The following GPATCH8 variants were observed in gnomAD, a reference collection of about 807,000 sequenced individuals.
The protein encoded by GPATCH8 is G-patch domain containing 8, also known as G patch domain-containing protein 8.
A neutral mutation model predicts 118.3 loss-of-function variants in GPATCH8; 18 were observed. That is an observed-to-expected ratio of 0.15 (90% CI 0.11 to 0.23). GPATCH8 has a LOEUF of 0.23. GPATCH8 is among the 10% of genes least tolerant of loss of function. The pLI, the probability that GPATCH8 is intolerant of heterozygous loss-of-function variation, is 1.00. For missense variants in GPATCH8, 1,631 were observed against 1,873.8 expected (o/e 0.87, Z 2.39); for synonymous variants, 659 against 684.7 (o/e 0.96, Z 0.59).
intron 1 of GPATCH8, among the ~76,000 whole-genome samples, chr17:44,494,063 A>C (rs1969484838): frequency 6.6e-6 from 1 of 152,168 alleles, no homozygotes; most frequent in Non-Finnish European, 1.5e-5. Flanking sequence ...ATGTTCATTA[A>C]CAATAATCTC....
At chr17:44,434,848 A>G (rs2050442770) in intron 5 of GPATCH8, among the ~76,000 whole-genome samples, 1 of 152,230 alleles carries the variant, frequency 6.6e-6, no homozygotes, top group African/African-American at 2.4e-5. Flanking sequence ...AATTCATGTA[A>G]TCTTTCTAAC....
At chr17:44,424,269 T>G in intron 6 of GPATCH8, 80 bp downstream of exon 6, 1 of 958,994 alleles carries the variant, frequency 1.0e-6, no homozygotes, top group Non-Finnish European at 1.7e-6. Flanking sequence ...ACACCAAGTT[T>G]TGGGGGGTAT....
At chr17:44,458,373 C>A (rs962746655) in intron 3 of GPATCH8, among the ~76,000 whole-genome samples, 3 of 152,008 alleles carry the variant, frequency 2.0e-5, no homozygotes, top group Non-Finnish European at 4.4e-5. Flanking sequence ...GATGTAAGTA[C>A]CTATTTTCCC....
intron 3 of GPATCH8, among the ~76,000 whole-genome samples, chr17:44,455,218 G>A (rs1428119349): frequency 6.6e-6 from 1 of 152,096 alleles, no homozygotes; most frequent in African/African-American, 2.4e-5. Context: ...TATAAAATGA[G>A]TGGCCGGGCA....
At chr17:44,424,566 C>T in intron 5 of GPATCH8, 74 bp from the exon 6 acceptor site, 2 of 1,115,714 alleles carry the variant, frequency 1.8e-6, no homozygotes, top group Non-Finnish European at 2.7e-6. Context: ...ATAGAGAAAA[C>T]AGTCTATCTG....
Position 44,399,224 on chromosome 17 carries a change from T to G in GPATCH8, c.2853A>C (p.Arg951Ser), listed in dbSNP as rs1484749277. ...QSRSRSRSHT[R>S]ERSRSRGRSR... ...TGCGGCCCCGGGATCTTGAGCGCTC[T>G]CTGGTATGACTCCGAGATCGGCTTC... Residue 951 changes from arginine (R) to serine (S), a missense_variant, in exon 8 of 8, where the codon AGA becomes AGC. Physicochemically the swap from Arg to Ser is moderately radical, Grantham distance 110. Around this residue, in one of 8 missense-constraint regions of GPATCH8, gnomAD observed 922 missense variants for 879.7 expected, o/e 1.05. Transcript: ENST00000591680. The G allele has an allele frequency of 1.2e-6, 2 of 1,614,006 alleles. No homozygotes were observed. The highest frequency in any genetic ancestry group is 3.3e-5 in the Admixed American group (2 of 59,996).
At chr17:44,471,471 G>A (rs1432282743) in intron 2 of GPATCH8, among the ~76,000 whole-genome samples, 2 of 151,964 alleles carry the variant, frequency 1.3e-5, no homozygotes, top group East Asian at 1.9e-4. Context: ...AGACCTCCAC[G>A]GTTACCAGCT....
At chr17:44,407,645 C>T (rs1003842898) in intron 6 of GPATCH8, among the ~76,000 whole-genome samples, 3 of 147,994 alleles carry the variant, frequency 2.0e-5, no homozygotes, top group South Asian at 2.1e-4. Context: ...ACTGTTAGTG[C>T]CCATAATTAA....
At chr17:44,493,721 CTT>C (rs1277198504) in intron 1 of GPATCH8, among the ~76,000 whole-genome samples, 8 of 152,130 alleles carry the variant, frequency 5.3e-5, no homozygotes, top group Admixed American at 2.0e-4. Context: ...AATTCCGTCT[CTT>C]TTATTTAAAA....
At position 44,397,007 on chromosome 17, in the gene GPATCH8, T is replaced by A. The variant is rs1412398284; in HGVS notation, c.*561A>T. On this transcript the variant is annotated 3_prime_UTR_variant, in exon 8 of 8. Coordinates refer to ENST00000591680, the MANE Select transcript of GPATCH8 (RefSeq NM_001002909.4). ...GGATGGAATTGCAGCCTGAGTTATA[T>A]CAGGTTCCAGGTGAGACGCTTTCCA... The A allele has an allele frequency of 2.2e-6, 1 of 454,010 alleles. No homozygotes were observed. The highest frequency in any genetic ancestry group is 4.4e-6 in the Non-Finnish European group (1 of 226,786). The allele number at this position is 454,010 out of a possible 1,614,324, so 28.1% of individuals were successfully genotyped here.
chr17:44,436,132 C>A (rs1217285989), intron 4 of GPATCH8, among the ~76,000 whole-genome samples: 2 of 146,224 alleles, frequency 1.4e-5, no homozygotes, highest in Non-Finnish European at 3.0e-5. Flanking sequence ...CCCAATTCTA[C>A]AAAGGCAAAG....
At chr17:44,499,265 G>A (rs1190959701) in intron 1 of GPATCH8, among the ~76,000 whole-genome samples, 4 of 152,140 alleles carry the variant, frequency 2.6e-5, no homozygotes, top group African/African-American at 9.7e-5. Context: ...TCGGGAGTTT[G>A]AGACCAGCCT....
In GPATCH8 at chr17:44,405,992, C is replaced by T. The variant is rs1387164790; in HGVS notation, c.552G>A (p.Lys184=). 1.9e-6 allele frequency: 3 copies of T among 1,608,052 alleles called. No individual in the cohort carries two copies. Among genetic ancestry groups the T allele is most frequent in the Non-Finnish European group, 2.6e-6 (3 of 1,174,468 alleles). ...GGGCTTTTTCCTGTTTTTTCTCATC[C>T]TTGCGGGATCTTGAAGAGACATTTC... ...FARNVSSRSR[K]DEKKQEKALR... Residue 184 remains lysine, a synonymous_variant, in exon 7 of 8, where the codon AAG becomes AAA. Transcript: ENST00000591680.
Position 44,397,344 on chromosome 17 carries a change from G to C in GPATCH8, c.*224C>G, listed in dbSNP as rs887491268. 4.0e-5 allele frequency: 27 copies of C among 678,792 alleles called. No individual in the cohort carries two copies. The highest frequency in any genetic ancestry group is 6.2e-5 in the Non-Finnish European group (23 of 371,050). The allele number at this position is 678,792 out of a possible 1,614,324, so 42.0% of individuals were successfully genotyped here. A position where few individuals can be genotyped will look rare whatever the true frequency, so the allele number is the denominator to read the frequency against. ...TGTTCCCTAGCTTAGAAACACAGAA[G>C]AGGGAGGGACAAATTGAGAGGAGGA... is the stretch of plus-strand genomic sequence containing the variant. On this transcript the variant is annotated 3_prime_UTR_variant, in exon 8 of 8. Transcript: ENST00000591680.
At chr17:44,440,315 T>C (rs2050646802) in intron 3 of GPATCH8, among the ~76,000 whole-genome samples, 2 of 152,166 alleles carry the variant, frequency 1.3e-5, no homozygotes, top group Admixed American at 1.3e-4. Flanking sequence ...AGGAAACACA[T>C]GCAAAATCAA....
intron 3 of GPATCH8, among the ~76,000 whole-genome samples, chr17:44,451,862 C>T (rs538103915): frequency 1.3e-5 from 2 of 152,128 alleles, no homozygotes; most frequent in Non-Finnish European, 1.5e-5. Context: ...TTCTCACCAC[C>T]ATCATATCTC....
intron 3 of GPATCH8, chr17:44,436,789 A>T: frequency 1.8e-6 from 1 of 550,566 alleles, no homozygotes; most frequent in Non-Finnish European, 3.3e-6. Context: ...GCAAAATTAC[A>T]TTAATAAGTA....
In GPATCH8 at chr17:44,398,027, G is replaced by A. The variant is rs1175365216; in HGVS notation, c.4050C>T (p.Ala1350=). 1 of 1,613,930 alleles carries A rather than the reference G, an allele frequency of 6.2e-7. No individual in the cohort carries two copies. ...TGGGTTGCAGGGCTGGTGTGGCTGG[G>A]GCCAGGGCAGCTGAGGCTGGAAAGG... The part of the protein sequence containing the change: ...VKAFPASAAL[A]PATPALQPIH... Residue 1350 remains alanine (A), a synonymous_variant, in exon 8 of 8, where the codon GCC becomes GCT. Transcript: ENST00000591680.
At chr17:44,491,445 G>A (rs533912791) in intron 1 of GPATCH8, among the ~76,000 whole-genome samples, 7 of 139,006 alleles carry the variant, frequency 5.0e-5, no homozygotes, top group East Asian at 2.1e-4. Flanking sequence ...CCGAGATTGC[G>A]CCACTGCACT....
Sources: gnomAD v4.1 joint callset for allele counts (sites outside exome capture counted in the v4.1 genomes callset) on GRCh38, gnomAD v4.1.1 for gene constraint, gnomAD v4.1.1 regional missense constraint, MANE v1.5 for transcripts, NCBI Gene and HGNC (gene_info 2026-07-23, HGNC 2026-07-21) for gene names.